DAAM2: variants seen among roughly 807,000 people sequenced by gnomAD.
The protein encoded by DAAM2 is dishevelled associated activator of morphogenesis 2.
A neutral mutation model predicts 120.7 loss-of-function variants in DAAM2; 39 were observed. The ratio of observed to expected loss-of-function variants is 0.32; its 90% CI spans 0.25 to 0.42. DAAM2 has a LOEUF of 0.42. Among genes scored for constraint, DAAM2 ranks in the 10% least tolerant of loss-of-function variants. The pLI is 1.00. For missense variants in DAAM2, 1,283 were observed against 1,401.7 expected, an observed-to-expected ratio of 0.92 and a Z score of 1.35; for synonymous variants, 488 against 524.9, an observed-to-expected ratio of 0.93 and a Z score of 0.96.
chr6:39,799,815 C>G (rs1017842222), intron 1 of DAAM2, among the ~76,000 whole-genome samples: 1 of 152,160 alleles, frequency 6.6e-6, no homozygotes, highest in Admixed American at 6.5e-5. Context: ...AATGTATTCA[C>G]CCCCTTCTAC....
Position 39,856,004 on chromosome 6 carries a change from TCTTGGCAGATAACACTCA to T in DAAM2, c.-56-242_-56-225del, listed in dbSNP as rs2149282457. The T allele has an allele frequency of 4.1e-6, 4 of 983,864 alleles. No individual in the cohort carries two copies. The African/African-American group carries it at 7.0e-5, about 17-fold the overall frequency. The allele number at this position is 983,864 out of a possible 1,614,324, so 60.9% of individuals were successfully genotyped here. A position where few individuals can be genotyped will look rare whatever the true frequency, so the allele number is the denominator to read the frequency against. On this transcript the variant is annotated intron_variant, in intron 1 of 24. Coordinates refer to ENST00000274867, the MANE Select transcript of DAAM2 (RefSeq NM_001201427.2). ...GGCAAGGAAGGGGAATATGAAAGTGTCTTGGCAGATAACACTCAGAGGACATGGTGGGGAGGATATGTA... is the reference window on the plus strand; with the variant it reads ...GGCAAGGAAGGGGAATATGAAAGTGTGAGGACATGGTGGGGAGGATATGTA...
At chr6:39,862,010 C>T (rs1764231508) in intron 3 of DAAM2, 1 of 152,262 alleles carries the variant, frequency 6.6e-6, no homozygotes, top group Admixed American at 6.5e-5. Context: ...GCCAGACTGA[C>T]CTTGTAACAT....
At chr6:39,868,737 T>C (rs2149309403) in intron 6 of DAAM2, 86 bp from the exon 7 acceptor site, 3 of 936,496 alleles carry the variant, frequency 3.2e-6, no homozygotes, top group Admixed American at 4.1e-5. Flanking sequence ...TTCTAGGTAG[T>C]GGAGGCGACA....
chr6:39,825,769 A>G (rs887417298), intron 1 of DAAM2, among the ~76,000 whole-genome samples: 3 of 152,162 alleles, frequency 2.0e-5, no homozygotes, highest in Non-Finnish European at 4.4e-5. Context: ...CAAGCCCTGC[A>G]GGCAGGGTGG....
intron 14 of DAAM2, 29 bp from the exon 15 acceptor site, chr6:39,883,933 T>C (rs753477729): frequency 1.1e-5 from 17 of 1,515,196 alleles, no homozygotes; most frequent in Non-Finnish European, 1.4e-5. Context: ...GGGCCAACCA[T>C]GGGATCTTCT....
chr6:39,844,151 T>G (rs1193471826), intron 1 of DAAM2, among the ~76,000 whole-genome samples: 1 of 152,178 alleles, frequency 6.6e-6, no homozygotes, highest in Non-Finnish European at 1.5e-5. Context: ...AATACTAGTA[T>G]TCTCTTTTCT....
rs776885499 is a variant in DAAM2, at chr6:39,864,975, C to A, written c.334-5C>A. ...GGCAGCCCCTTTCTACCTGCTGGCC[C>A]TCAGATGCAGAGTCTGTACGCGTTT... On this transcript the variant is annotated splice_polypyrimidine_tract_variant and splice_region_variant and intron_variant, in intron 4 of 24. Coordinates refer to ENST00000274867, the MANE Select transcript of DAAM2 (RefSeq NM_001201427.2). 6.3e-7 allele frequency: 1 copy of A among 1,597,958 alleles called. No homozygotes were observed. The highest frequency in any genetic ancestry group is 8.5e-7 in the Non-Finnish European group (1 of 1,172,552).
chr6:39,857,338 A>C (rs926029944), intron 2 of DAAM2, among the ~76,000 whole-genome samples: 1 of 152,190 alleles, frequency 6.6e-6, no homozygotes, highest in Non-Finnish European at 1.5e-5. Context: ...ATGTGGTTGG[A>C]ATGTGGTTTT....
chr6:39,793,029 C>T (rs1761593468), intron 1 of DAAM2: 1 of 152,320 alleles, frequency 6.6e-6, no homozygotes, highest in African/African-American at 2.4e-5. Flanking sequence ...GGAAAGGGGT[C>T]CCCGGACTCT....
intron 1 of DAAM2, among the ~76,000 whole-genome samples, chr6:39,835,991 T>G (rs983647873): frequency 6.6e-6 from 1 of 151,470 alleles, no homozygotes; most frequent in Non-Finnish European, 1.5e-5. Context: ...GGGGTGGTAG[T>G]GGGGGCAGTT....
chr6:39,830,767 A>C (rs1355061661), intron 1 of DAAM2, among the ~76,000 whole-genome samples: 1 of 152,180 alleles, frequency 6.6e-6, no homozygotes, highest in Non-Finnish European at 1.5e-5. Context: ...TCAAGACTGC[A>C]TCAGGACCAG....
At chr6:39,867,945 AG>A (rs1398779218) in intron 6 of DAAM2, 102 bp downstream of exon 6, 2 of 1,087,172 alleles carry the variant, frequency 1.8e-6, no homozygotes, top group Non-Finnish European at 2.6e-6. Context: ...CTGGGGGAAA[AG>A]GAAAGTAATG....
At chr6:39,827,650 C>T (rs1762723602) in intron 1 of DAAM2, among the ~76,000 whole-genome samples, 2 of 152,096 alleles carry the variant, frequency 1.3e-5, no homozygotes, top group Non-Finnish European at 2.9e-5. Context: ...GACTCTTTTC[C>T]TTGGGGTCCT....
chr6:39,856,600 C>T, intron 2 of DAAM2, 130 bp downstream of exon 2: 1 of 636,934 alleles, frequency 1.6e-6, no homozygotes, highest in Non-Finnish European at 2.4e-6. Flanking sequence ...AGGAGATAGG[C>T]CCCCAGGACA....
intron 1 of DAAM2, among the ~76,000 whole-genome samples, chr6:39,807,914 C>T (rs921572166): frequency 6.6e-6 from 1 of 152,054 alleles, no homozygotes; most frequent in African/African-American, 2.4e-5. Flanking sequence ...AGTTCATCTC[C>T]CTTGACCATT....
Position 39,904,598 on chromosome 6 carries a change from G to C in DAAM2, c.*2561G>C, listed in dbSNP as rs1766705595. ...TGATGGAAATAAAGTGTTTAGGGCAGTGGGAGGAGAAAATTCTCCAGGTGA... is the reference window on the plus strand; with the variant it reads ...TGATGGAAATAAAGTGTTTAGGGCACTGGGAGGAGAAAATTCTCCAGGTGA... On this transcript the variant is annotated 3_prime_UTR_variant, in exon 25 of 25. Coordinates refer to ENST00000274867, the MANE Select transcript of DAAM2 (RefSeq NM_001201427.2). The C allele has an allele frequency of 2.2e-6, 1 of 454,198 alleles. No homozygotes were observed. Among genetic ancestry groups the C allele is most frequent in the Admixed American group, 2.3e-5 (1 of 42,564 alleles). 28.1% of individuals were successfully genotyped at this position (454,198 alleles called of 1,614,324 possible). A position where few individuals can be genotyped will look rare whatever the true frequency, so the allele number is the denominator to read the frequency against.
At chr6:39,830,894 G>A (rs1214520277) in intron 1 of DAAM2, among the ~76,000 whole-genome samples, 2 of 152,128 alleles carry the variant, frequency 1.3e-5, no homozygotes, top group Non-Finnish European at 2.9e-5. Context: ...AACCATTTCA[G>A]GCCCTTCCTC....
Position 39,805,854 on chromosome 6 carries a change from T to C in DAAM2, c.-57+13389T>C, listed in dbSNP as rs187151138. Among the ~76,000 whole-genome samples the C allele has an allele frequency of 2.9e-3, 447 of 152,204 alleles. 3 individuals are homozygous for C. Among genetic ancestry groups the C allele is most frequent in the South Asian group, 0.024 (117 of 4,814 alleles). ...GGAGTGAGCCACCGTGCCCGGCCCCTAAGGTATTTTTAAGGTATCTTTTAT... is the reference window on the plus strand; with the variant it reads ...GGAGTGAGCCACCGTGCCCGGCCCCCAAGGTATTTTTAAGGTATCTTTTAT... On this transcript the variant is annotated intron_variant, in intron 1 of 24. Transcript: ENST00000274867.
At chr6:39,868,322 G>A (rs1016586608) in intron 6 of DAAM2, 13 of 226,594 alleles carry the variant, frequency 5.7e-5, no homozygotes, top group African/African-American at 2.7e-4. Flanking sequence ...CCTGCCCAGA[G>A]AAGTATCAGT....
Sources: gnomAD v4.1 joint callset for allele counts (sites outside exome capture counted in the v4.1 genomes callset) on GRCh38, gnomAD v4.1.1 for gene constraint, MANE v1.5 for transcripts, NCBI Gene and HGNC (gene_info 2026-07-23, HGNC 2026-07-21) for gene names.